The following NHEJ1 variants were observed in gnomAD, a reference collection of about 807,000 sequenced individuals.
The protein encoded by NHEJ1 is non-homologous end joining factor 1, also known as non-homologous end-joining factor 1.
Under a neutral mutation model 39.4 loss-of-function variants are expected in NHEJ1, and 22 were observed. The ratio of observed to expected loss-of-function variants is 0.56; its 90% CI spans 0.40 to 0.80. The LOEUF is 0.80. NHEJ1 is among the 30% of genes least tolerant of loss of function. The pLI is 0.00. For missense variants in NHEJ1, 329 were observed against 357.1 expected (o/e 0.92, Z 0.63); for synonymous variants, 154 against 135.6 (o/e 1.14, Z -0.94).
intron 5 of NHEJ1, among the ~76,000 whole-genome samples, chr2:219,119,911 G>A (rs1025270570): frequency 2.0e-5 from 3 of 152,110 alleles, no homozygotes; most frequent in African/African-American, 2.4e-5. Context: ...GAGTCTGGCC[G>A]ATTTGAGAAA....
At chr2:219,158,030 CACACACACAA>C (rs1230811814) in intron 2 of NHEJ1, among the ~76,000 whole-genome samples, 146 bp downstream of exon 2, 3 of 149,482 alleles carry the variant, frequency 2.0e-5, no homozygotes, top group Admixed American at 6.6e-5. Context: ...CACACACACA[CACACACACAA>C]AGATTCCAGG....
At chr2:219,115,728 C>G (rs1245051564) in intron 5 of NHEJ1, among the ~76,000 whole-genome samples, 1 of 152,166 alleles carries the variant, frequency 6.6e-6, no homozygotes, top group Non-Finnish European at 1.5e-5. Context: ...AAGTCCACTC[C>G]GACAACTCAT....
chr2:219,140,884 T>C (rs1949684207), intron 5 of NHEJ1, among the ~76,000 whole-genome samples: 1 of 152,150 alleles, frequency 6.6e-6, no homozygotes, highest in South Asian at 2.1e-4. Flanking sequence ...GATCAAATCA[T>C]AAATGATCAC....
chr2:219,126,829 A>C (rs935391963), intron 5 of NHEJ1, among the ~76,000 whole-genome samples: 4 of 152,264 alleles, frequency 2.6e-5, no homozygotes, highest in Non-Finnish European at 5.9e-5. Flanking sequence ...AACAGGAGTT[A>C]CCCAAGTGAA....
intron 5 of NHEJ1, among the ~76,000 whole-genome samples, chr2:219,100,981 C>A (rs1949252265): frequency 6.6e-6 from 1 of 152,216 alleles, no homozygotes; most frequent in East Asian, 1.9e-4. Context: ...CCACTGTGAA[C>A]AATTTGATGT....
chr2:219,088,864 G>T (rs1949135429), intron 5 of NHEJ1, among the ~76,000 whole-genome samples: 1 of 152,174 alleles, frequency 6.6e-6, no homozygotes, highest in Non-Finnish European at 1.5e-5. Flanking sequence ...CCAGGCTGGA[G>T]TGCGGTGGCG....
At chr2:219,092,108 A>G (rs1315156425) in intron 5 of NHEJ1, among the ~76,000 whole-genome samples, 1 of 152,184 alleles carries the variant, frequency 6.6e-6, no homozygotes. Flanking sequence ...CCTGGGCAAC[A>G]TAGTAAGACT....
At position 219,073,766 on chromosome 2, in the gene NHEJ1, G is replaced by C. The variant is rs1056940496; in HGVS notation, c.*2615C>G. On this transcript the variant is annotated 3_prime_UTR_variant, in exon 8 of 8. Transcript: ENST00000356853. ...CAGCCCTGGCCCCAGCCCCAGCCCC[G>C]GGGAGCGGGCGGGTAGGCGGGGAGG... Among the ~76,000 whole-genome samples, 1 of 152,240 alleles carries C rather than the reference G, an allele frequency of 6.6e-6. No individual in the cohort carries two copies. The highest frequency in any genetic ancestry group is 1.5e-5 in the Non-Finnish European group (1 of 68,034).
rs562781734 is a variant in NHEJ1, at chr2:219,074,923, T to C, written c.*1458A>G. Among the ~76,000 whole-genome samples, 4 of 151,222 alleles carry C rather than the reference T, an allele frequency of 2.6e-5. No individual in the cohort carries two copies. In the East Asian group the frequency reaches 7.8e-4, roughly 29 times the overall value. The stretch of plus-strand genomic sequence containing the variant: ...GAGCCTTGGTGGAGATCTCAGACTC[T>C]GCTAGCAGGAAAAAGCATGAGGGTA... On this transcript the variant is annotated 3_prime_UTR_variant, in exon 8 of 8. Coordinates refer to ENST00000356853, the MANE Select transcript of NHEJ1 (RefSeq NM_024782.3).
At chr2:219,098,455 C>T (rs1454799362) in intron 5 of NHEJ1, among the ~76,000 whole-genome samples, 2 of 152,168 alleles carry the variant, frequency 1.3e-5, no homozygotes, top group African/African-American at 4.8e-5. Context: ...AATAGAGAGA[C>T]AGCCTTTAGA....
chr2:219,095,374 T>C (rs998425649), intron 5 of NHEJ1: 37 of 470,632 alleles, frequency 7.9e-5, no homozygotes, highest in Non-Finnish European at 1.5e-4. Context: ...TGATAAATTA[T>C]TTAGTTAGTA....
At chr2:219,156,940 C>G (rs1949860341) in intron 3 of NHEJ1, among the ~76,000 whole-genome samples, 1 of 152,014 alleles carries the variant, frequency 6.6e-6, no homozygotes, top group South Asian at 2.1e-4. Context: ...CTCATGCCTT[C>G]CTATCTACAC....
At chr2:219,120,331 T>C (rs530683240) in intron 5 of NHEJ1, among the ~76,000 whole-genome samples, 21 of 152,332 alleles carry the variant, frequency 1.4e-4, no homozygotes, top group Admixed American at 4.6e-4. Flanking sequence ...ATCATTTATC[T>C]GACTCAATAA....
At chr2:219,089,755 A>C (rs1949144709) in intron 5 of NHEJ1, among the ~76,000 whole-genome samples, 1 of 152,240 alleles carries the variant, frequency 6.6e-6, no homozygotes, top group African/African-American at 2.4e-5. Flanking sequence ...TGTGGATTAT[A>C]GCTCTAATTT....
intron 5 of NHEJ1, among the ~76,000 whole-genome samples, chr2:219,113,586 A>G (rs1405815287): frequency 1.3e-5 from 2 of 152,256 alleles, no homozygotes; most frequent in South Asian, 2.1e-4. Flanking sequence ...CTCCAAGTTT[A>G]GCCACTCAGA....
intron 5 of NHEJ1, among the ~76,000 whole-genome samples, chr2:219,085,181 CTG>C (rs1949100631): frequency 6.6e-6 from 1 of 152,196 alleles, no homozygotes; most frequent in Non-Finnish European, 1.5e-5. Flanking sequence ...TCCTCAGAGT[CTG>C]AGAGAAAAAA....
Position 219,147,526 on chromosome 2 carries a change from G to C in NHEJ1, c.529+131C>G, listed in dbSNP as rs1047630881. ...AGAGTCACCTAATATCAAGACTCCA[G>C]TTTCTGGTTAGTATTCAGCACCCAT... On this transcript the variant is annotated intron_variant, in intron 4 of 7. Transcript: ENST00000356853. 6.5e-6 allele frequency: 7 copies of C among 1,083,200 alleles called. No individual in the cohort carries two copies. The African/African-American group carries it at 1.1e-4, about 17-fold the overall frequency. The allele number at this position is 1,083,200 out of a possible 1,614,324, so 67.1% of individuals were successfully genotyped here. A position where few individuals can be genotyped will look rare whatever the true frequency, so the allele number is the denominator to read the frequency against.
chr2:219,123,804 A>G (rs545431743), intron 5 of NHEJ1, among the ~76,000 whole-genome samples: 47 of 152,320 alleles, frequency 3.1e-4, no homozygotes, highest in African/African-American at 1.1e-3. Flanking sequence ...AGAGGCCTGT[A>G]GGCCTAGCCC....
chr2:219,098,737 G>T (rs1019126885), intron 5 of NHEJ1, among the ~76,000 whole-genome samples: 4 of 152,142 alleles, frequency 2.6e-5, no homozygotes, highest in Non-Finnish European at 4.4e-5. Context: ...GATTGCTTAA[G>T]CCCAGAAGTT....
Sources: allele counts gnomAD v4.1 joint callset (sites outside exome capture counted in the v4.1 genomes callset), GRCh38; gene constraint gnomAD v4.1.1; transcripts MANE v1.5; gene names NCBI Gene and HGNC (gene_info 2026-07-23, HGNC 2026-07-21).